Variants in PDXK observed in about 807,000 individuals in gnomAD.
PDXK encodes epididymis secretory sperm binding protein Li 1a.
Under a neutral mutation model 43.2 loss-of-function variants are expected in PDXK, and 15 were observed. That is an observed-to-expected ratio of 0.35 (90% CI 0.23 to 0.53). The LOEUF is 0.53. PDXK is among the 20% of genes least tolerant of loss of function. The probability of loss-of-function intolerance (pLI) is 0.92; values close to 1 mark genes in which losing one functional copy is unlikely to be tolerated. For missense variants in PDXK, 343 were observed against 417.0 expected (o/e 0.82, Z 1.54); for synonymous variants, 172 against 165.4 (o/e 1.04, Z -0.31).
In PDXK at chr21:43,753,682, T is replaced by C. The variant is rs911028893; in HGVS notation, c.722T>C (p.Leu241Pro). 1.2e-6 allele frequency: 2 copies of C among 1,613,524 alleles called. No homozygotes were observed. The highest frequency in any genetic ancestry group is 1.7e-6 in the Non-Finnish European group (2 of 1,179,760). ...ACTGGGGACCTGTTTGCTGCCATGC[T>C]CCTGGCGTGGACACACAAGCACCCC... ...VGTGDLFAAM[L>P]LAWTHKHPNN... Residue 241 changes from leucine (L) to proline (P), a missense_variant, in exon 9 of 11, where the codon CTC (leucine) becomes CCC (proline). Leu to Pro is a moderately conservative substitution (Grantham distance 98). Transcript: ENST00000291565.
intron 1 of PDXK, among the ~76,000 whole-genome samples, chr21:43,720,047 T>A (rs2083194060): frequency 6.6e-6 from 1 of 152,200 alleles, no homozygotes; most frequent in Non-Finnish European, 1.5e-5. Context: ...CAGAGAGCAG[T>A]TCGGGACTGT....
Position 43,734,140 on chromosome 21 carries a change from A to G in PDXK, c.142+17A>G. On this transcript the variant is annotated intron_variant, in intron 2 of 10. Transcript: ENST00000291565. This position sits in a 1 kb window ranked among gnomAD's most constrained non-coding sequence, Gnocchi z 5.0. ...ACCACACAGGTAAGGCGTTGGCTCC[A>G]GCAGCTGGCATAGAGCAGACTGTGG... 1.2e-6 allele frequency: 2 copies of G among 1,612,222 alleles called. No individual in the cohort carries two copies. The highest frequency in any genetic ancestry group is 1.7e-6 in the Non-Finnish European group (2 of 1,178,288).
At chr21:43,750,819 C>G (rs913436417) in intron 7 of PDXK, among the ~76,000 whole-genome samples, 4 of 147,904 alleles carry the variant, frequency 2.7e-5, no homozygotes, top group African/African-American at 1.0e-4. Context: ...TGCGCGCACC[C>G]ATGTGTGCAT....
Position 43,735,184 on chromosome 21 carries a change from C to A in PDXK, c.142+1061C>A, listed in dbSNP as rs1335793443. Among the ~76,000 whole-genome samples, 2 of 152,198 alleles carry A rather than the reference C, an allele frequency of 1.3e-5. No homozygotes were observed. The highest frequency in any genetic ancestry group is 2.9e-5 in the Non-Finnish European group (2 of 68,028). On this transcript the variant is annotated intron_variant, in intron 2 of 10. Coordinates refer to ENST00000291565, the MANE Select transcript of PDXK (RefSeq NM_003681.5). This position sits in a 1 kb window ranked among gnomAD's most constrained non-coding sequence, Gnocchi z 5.3. ...GTGCTGTGAGATTTGGAGACGTCCC[C>A]GAAGACTCAGGCCCTCCAGGAGCCT... is the stretch of plus-strand genomic sequence containing the variant.
intron 5 of PDXK, among the ~76,000 whole-genome samples, chr21:43,747,967 T>C (rs1050452909): frequency 6.6e-6 from 1 of 152,160 alleles, no homozygotes; most frequent in African/African-American, 2.4e-5. Flanking sequence ...TCCTAAGCCA[T>C]GTCTGGAGCA....
Position 43,758,182 on chromosome 21 carries a change from C to G in PDXK, c.*2119C>G, listed in dbSNP as rs1342125734. 1.3e-5 allele frequency: 2 copies of G among 153,690 alleles called. No individual in the cohort carries two copies. Among genetic ancestry groups the G allele is most frequent in the African/African-American group, 2.4e-5 (1 of 41,420 alleles). The allele number at this position is 153,690 out of a possible 1,614,324, so 9.5% of individuals were successfully genotyped here. On this transcript the variant is annotated 3_prime_UTR_variant, in exon 11 of 11. Transcript: ENST00000291565. ...GCTTTGATTCTTGGTTCTTTGAGCT[C>G]GTTTCAGAGGCTGAGTCCCCACATC...
intron 1 of PDXK, among the ~76,000 whole-genome samples, chr21:43,725,875 C>T (rs2083248202): frequency 6.6e-6 from 1 of 152,102 alleles, no homozygotes; most frequent in South Asian, 2.1e-4. Flanking sequence ...TCCTTCCTTC[C>T]TCCGGTGGCC....
intron 2 of PDXK, chr21:43,740,982 G>A (rs1249371687): frequency 6.9e-6 from 1 of 145,390 alleles, no homozygotes; most frequent in Non-Finnish European, 1.5e-5. Context: ...GACGTTGTGC[G>A]GAGGGAGTAG....
intron 3 of PDXK, 63 bp downstream of exon 3, chr21:43,741,834 G>C (rs1434531933): frequency 4.4e-6 from 5 of 1,144,474 alleles, no homozygotes; most frequent in Non-Finnish European, 5.2e-6. Context: ...GGTGGGCTCA[G>C]GGAGGTCCAG....
chr21:43,754,131 AGT>A lies in PDXK; in HGVS notation c.759+414_759+415del, dbSNP rs939658514. Reference sequence around the variant, plus strand: ...GCATTTCCCACAGTGTGACCACGGCAGTGACCTGAGGGACGGAAAGGCCGGAG... The same window carrying A: ...GCATTTCCCACAGTGTGACCACGGCAGACCTGAGGGACGGAAAGGCCGGAG... On this transcript the variant is annotated intron_variant, in intron 9 of 10. Coordinates refer to ENST00000291565, the MANE Select transcript of PDXK (RefSeq NM_003681.5). This position sits in a 1 kb window ranked among gnomAD's most constrained non-coding sequence, Gnocchi z 5.5. Among the ~76,000 whole-genome samples, 1 of 152,210 alleles carries A rather than the reference AGT, an allele frequency of 6.6e-6. No homozygotes were observed. Among genetic ancestry groups the A allele is most frequent in the African/African-American group, 2.4e-5 (1 of 41,460 alleles).
At chr21:43,755,837 G>A (rs1476785398) in intron 10 of PDXK, 73 bp downstream of exon 10, 11 of 1,489,296 alleles carry the variant, frequency 7.4e-6, no homozygotes, top group East Asian at 2.3e-5. Flanking sequence ...GAGCTGGCAC[G>A]TGCTGGTTTT....
rs542359071 is a variant in PDXK, at chr21:43,739,324, C to T, written c.143-2343C>T. Among the ~76,000 whole-genome samples the T allele has an allele frequency of 2.8e-3, 428 of 152,298 alleles. 1 individual carries two copies. The highest frequency in any genetic ancestry group is 9.7e-3 in the African/African-American group (404 of 41,568). On this transcript the variant is annotated intron_variant, in intron 2 of 10. Coordinates refer to ENST00000291565, the MANE Select transcript of PDXK (RefSeq NM_003681.5). ...AGGCGTGAGCCACCGCACCCGGCCC[C>T]ACCTTTATGAACTCTTAACCTGTCT... is the stretch of plus-strand genomic sequence containing the variant.
intron 5 of PDXK, 140 bp from the exon 6 acceptor site, chr21:43,748,855 A>G (rs1029879737): frequency 1.6e-6 from 1 of 632,132 alleles, no homozygotes; most frequent in Non-Finnish European, 2.8e-6. Flanking sequence ...ACTTATCGCT[A>G]CAGTCGGGGG....
Position 43,737,660 on chromosome 21 carries a change from G to A in PDXK, c.142+3537G>A. 1.0e-6 allele frequency: 1 copy of A among 986,628 alleles called. No individual in the cohort carries two copies. The highest frequency in any genetic ancestry group is 4.7e-5 in the South Asian group (1 of 21,328). The allele number at this position is 986,628 out of a possible 1,614,324, so 61.1% of individuals were successfully genotyped here. A position where few individuals can be genotyped will look rare whatever the true frequency, so the allele number is the denominator to read the frequency against. Reference sequence around the variant, plus strand: ...GAACACAAGGAGCTGCGGGGCTGGAGAAGGCCAGGGCCAGGAGCCTGCCGA... The same window carrying A: ...GAACACAAGGAGCTGCGGGGCTGGAAAAGGCCAGGGCCAGGAGCCTGCCGA... On this transcript the variant is annotated intron_variant, in intron 2 of 10. Transcript: ENST00000291565. The surrounding 1 kb of genome is among the most constrained non-coding windows in gnomAD (Gnocchi z 4.8).
At chr21:43,749,513 C>T (rs933316876) in intron 6 of PDXK, among the ~76,000 whole-genome samples, 9 of 152,246 alleles carry the variant, frequency 5.9e-5, no homozygotes, top group African/African-American at 2.2e-4. Flanking sequence ...GTTTAGCTTA[C>T]GAAGTGGTTC....
chr21:43,729,207 T>A (rs958243395), intron 1 of PDXK, among the ~76,000 whole-genome samples: 2 of 152,232 alleles, frequency 1.3e-5, no homozygotes, highest in African/African-American at 4.8e-5. Context: ...CCTTCAGACT[T>A]CCCAGCGGAG....
intron 1 of PDXK, among the ~76,000 whole-genome samples, chr21:43,720,734 A>T (rs1281034967): frequency 6.6e-6 from 1 of 152,030 alleles, no homozygotes; most frequent in Non-Finnish European, 1.5e-5. Flanking sequence ...CAGAGGTAGG[A>T]TTGGGCTTGG....
intron 3 of PDXK, 85 bp downstream of exon 3, chr21:43,741,856 C>T (rs758552262): frequency 4.6e-6 from 4 of 864,046 alleles, no homozygotes; most frequent in African/African-American, 1.7e-5. Context: ...GCACCCCCGC[C>T]CTGGGCCTGT....
rs1277197702 is a variant in PDXK at position 43,743,892 on chromosome 21, C to T, written c.331+85C>T. The T allele has an allele frequency of 3.6e-6, 3 of 835,810 alleles. No individual in the cohort carries two copies. The African/African-American group carries it at 5.0e-5, about 14-fold the overall frequency. The allele number at this position is 835,810 out of a possible 1,614,324, so 51.8% of individuals were successfully genotyped here. A position where few individuals can be genotyped will look rare whatever the true frequency, so the allele number is the denominator to read the frequency against. ...GGGAGCCCGGGAAGGGACGTCTTAG[C>T]CTCCTTCCTCCTCTGCACGCCTCCG... On this transcript the variant is annotated intron_variant, in intron 4 of 10. Coordinates refer to ENST00000291565, the MANE Select transcript of PDXK (RefSeq NM_003681.5).
Sources: allele counts gnomAD v4.1 joint callset (sites outside exome capture counted in the v4.1 genomes callset), GRCh38; gene constraint gnomAD v4.1.1; non-coding constraint Gnocchi (gnomAD v3.1); transcripts MANE v1.5; gene names NCBI Gene and HGNC (gene_info 2026-07-23, HGNC 2026-07-21).